MECOM: variants seen among roughly 807,000 people sequenced by gnomAD.
The protein encoded by MECOM is histone-lysine N-methyltransferase MECOM.
In MECOM, 13 loss-of-function variants were observed where a neutral mutation model predicts 116.3. The observed-to-expected ratio is 0.11, with a 90% confidence interval of 0.07 to 0.18. The LOEUF is 0.18. MECOM is among the 10% of genes least tolerant of loss of function. The pLI, the probability that MECOM is intolerant of heterozygous loss-of-function variation, is 1.00. For synonymous variants in MECOM, 528 were observed against 535.2 expected (o/e 0.99, Z 0.19); for missense variants, 1,299 against 1,509.0 (o/e 0.86, Z 2.31).
intron 2 of MECOM, among the ~76,000 whole-genome samples, chr3:169,183,061 G>A (rs561890001): frequency 6.6e-6 from 1 of 152,274 alleles, no homozygotes; most frequent in African/African-American, 2.4e-5. Context: ...TCTCTAAAGT[G>A]AAGATTATAC....
chr3:169,182,763 G>A (rs965684680), intron 2 of MECOM, among the ~76,000 whole-genome samples: 1 of 152,084 alleles, frequency 6.6e-6, no homozygotes, highest in Non-Finnish European at 1.5e-5. Flanking sequence ...AAGCTACAGG[G>A]CTCAAACAGA....
chr3:169,594,174 A>AAAAAAAAAAAAAAAAAC lies in MECOM; in HGVS notation c.37+69161_37+69162insGTTTTTTTTTTTTTTTT, dbSNP rs1255613781. On this transcript the variant is annotated intron_variant, in intron 1 of 16. Transcript: ENST00000651503. ...CACCACAAAAAAAAAAAAAAAAAAA[A>AAAAAAAAAAAAAAAAAC]AACACCTTTTCACCTAAGTACCTCA... is the stretch of plus-strand genomic sequence containing the variant. Among the ~76,000 whole-genome samples the AAAAAAAAAAAAAAAAAC allele has an allele frequency of 1.4e-4, 18 of 125,964 alleles. 2 individuals are homozygous for AAAAAAAAAAAAAAAAAC. The highest frequency in any genetic ancestry group is 2.3e-4 in the African/African-American group (7 of 31,106). The allele number at this position is 125,964 out of a possible 152,430, so 82.6% of individuals were successfully genotyped here.
At chr3:169,539,781 C>T (rs778352519) in intron 1 of MECOM, among the ~76,000 whole-genome samples, 3 of 151,688 alleles carry the variant, frequency 2.0e-5, no homozygotes, top group Non-Finnish European at 4.4e-5. Flanking sequence ...CCTCAGGGTC[C>T]TCATAATAAA....
chr3:169,636,956 A>G lies in MECOM; in HGVS notation c.37+26380T>C, dbSNP rs546257581. Among the ~76,000 whole-genome samples, 79 of 152,278 alleles carry G rather than the reference A, an allele frequency of 5.2e-4. 1 individual carries two copies. Among genetic ancestry groups the G allele is most frequent in the African/African-American group, 1.8e-3 (75 of 41,558 alleles). ...TGAAAATGCCACCCTATCCACCTGT[A>G]AGTCCCAGTATTCGTGCCCTTGTGT... On this transcript the variant is annotated intron_variant, in intron 1 of 16. Coordinates refer to ENST00000651503, the MANE Select transcript of MECOM (RefSeq NM_004991.4).
At chr3:169,133,047 C>A (rs1249516315) in intron 3 of MECOM, among the ~76,000 whole-genome samples, 2 of 151,986 alleles carry the variant, frequency 1.3e-5, no homozygotes, top group African/African-American at 4.8e-5. Context: ...CCACTGCACC[C>A]AGCCCAGAAT....
intron 1 of MECOM, among the ~76,000 whole-genome samples, chr3:169,395,237 C>A (rs73879062): frequency 0.02 from 3,058 of 152,212 alleles, 90 homozygotes; most frequent in African/African-American, 0.069. Context: ...TGTTTCACTG[C>A]CGAATCCCCA....
chr3:169,326,424 T>C (rs1191169668), intron 2 of MECOM, among the ~76,000 whole-genome samples: 1 of 152,220 alleles, frequency 6.6e-6, no homozygotes, highest in African/African-American at 2.4e-5. Context: ...TAGAATTTAT[T>C]ATCTGAAAGA....
chr3:169,394,543 G>A (rs1196829471), intron 1 of MECOM, among the ~76,000 whole-genome samples: 1 of 152,178 alleles, frequency 6.6e-6, no homozygotes, highest in African/African-American at 2.4e-5. Flanking sequence ...AAGCCTTGGA[G>A]AGGTAATGAC....
intron 2 of MECOM, among the ~76,000 whole-genome samples, chr3:169,172,900 G>A (rs537822762): frequency 1.6e-4 from 25 of 152,132 alleles, no homozygotes; most frequent in Admixed American, 9.2e-4. Context: ...TTGGATTCTC[G>A]TGAAAATCAA....
At position 169,213,239 on chromosome 3, in the gene MECOM, A is replaced by T. The variant is rs1751005615; in HGVS notation, c.376-69407T>A. ...TAGGCATGTTGTAAGTGCTTGAAAA[A>T]TATCTTTTGAATTAACGAGTCTTTA... is the stretch of plus-strand genomic sequence containing the variant. On this transcript the variant is annotated intron_variant, in intron 2 of 16. Coordinates refer to ENST00000651503, the MANE Select transcript of MECOM (RefSeq NM_004991.4). Among the ~76,000 whole-genome samples the T allele has an allele frequency of 2.0e-5, 3 of 152,074 alleles. No individual in the cohort carries two copies. The South Asian group carries it at 6.2e-4, about 32-fold the overall frequency.
At chr3:169,209,583 G>T (rs1441646860) in intron 2 of MECOM, among the ~76,000 whole-genome samples, 1 of 152,230 alleles carries the variant, frequency 6.6e-6, no homozygotes, top group East Asian at 1.9e-4. Context: ...CATTTATGTG[G>T]CTAACAAACA....
chr3:169,243,725 A>G (rs1755185052), intron 2 of MECOM, among the ~76,000 whole-genome samples: 1 of 152,218 alleles, frequency 6.6e-6, no homozygotes, highest in South Asian at 2.1e-4. Flanking sequence ...CAGTGAAAGA[A>G]TGGGCAGAGG....
chr3:169,087,044 A>C (rs933195023), intron 16 of MECOM, among the ~76,000 whole-genome samples: 2 of 152,216 alleles, frequency 1.3e-5, no homozygotes, highest in African/African-American at 2.4e-5. Flanking sequence ...AATCTATATA[A>C]CATGATCAAG....
At chr3:169,093,801 T>G (rs1406582013) in intron 13 of MECOM, among the ~76,000 whole-genome samples, 1 of 152,174 alleles carries the variant, frequency 6.6e-6, no homozygotes, top group Non-Finnish European at 1.5e-5. Flanking sequence ...GTGGTTGAGC[T>G]TTACACCAAC....
intron 2 of MECOM, among the ~76,000 whole-genome samples, chr3:169,299,805 C>G (rs1716357909): frequency 6.6e-6 from 1 of 152,198 alleles, no homozygotes; most frequent in Admixed American, 6.5e-5. Flanking sequence ...GCTATTTGGT[C>G]TCCTGCTCTT....
At chr3:169,616,128 C>T (rs1348655649) in intron 1 of MECOM, among the ~76,000 whole-genome samples, 4 of 152,156 alleles carry the variant, frequency 2.6e-5, no homozygotes, top group African/African-American at 9.7e-5. Context: ...GCATCTCCTA[C>T]CCATGAGGAC....
chr3:169,145,790 T>C (rs1577164942), intron 2 of MECOM: 2 of 215,414 alleles, frequency 9.3e-6, no homozygotes, highest in East Asian at 1.4e-4. Flanking sequence ...TTTTATTCCG[T>C]GTTAACATTA....
chr3:169,137,863 T>A (rs1736837304), intron 3 of MECOM, among the ~76,000 whole-genome samples: 2 of 152,068 alleles, frequency 1.3e-5, no homozygotes, highest in Non-Finnish European at 2.9e-5. Context: ...GCTTACAGTG[T>A]ACCCAGCCTG....
At chr3:169,593,620 G>A (rs545346837) in intron 1 of MECOM, among the ~76,000 whole-genome samples, 12 of 152,130 alleles carry the variant, frequency 7.9e-5, no homozygotes, top group South Asian at 4.2e-4. Context: ...ATATTTCCAC[G>A]GAGTCCCACA....
Sources: gnomAD v4.1 joint callset for allele counts (sites outside exome capture counted in the v4.1 genomes callset) on GRCh38, gnomAD v4.1.1 for gene constraint, MANE v1.5 for transcripts, NCBI Gene and HGNC (gene_info 2026-07-23, HGNC 2026-07-21) for gene names.